The following SPRED2 variants were observed in gnomAD, a reference collection of about 807,000 sequenced individuals.
The protein encoded by SPRED2 is sprouty-related, EVH1 domain-containing protein 2.
Under a neutral mutation model 43.0 loss-of-function variants are expected in SPRED2, and 47 were observed. The observed-to-expected ratio is 1.09, with a 90% confidence interval of 0.87 to 1.40. SPRED2 has a LOEUF of 1.40. SPRED2 is among the 40% of genes most tolerant of loss of function. The pLI is 0.00. For missense variants in SPRED2, 561 were observed against 586.4 expected, an observed-to-expected ratio of 0.96 and a Z score of 0.45; for synonymous variants, 225 against 225.7, an observed-to-expected ratio of 1.00 and a Z score of 0.03.
chr2:65,345,352 CT>C (rs1356034474), intron 1 of SPRED2, among the ~76,000 whole-genome samples: 1 of 151,092 alleles, frequency 6.6e-6, no homozygotes, highest in African/African-American at 2.4e-5. Flanking sequence ...CAACCTCCGC[CT>C]CCCGGGTTCA....
chr2:65,379,151 T>C (rs969883389), intron 1 of SPRED2, among the ~76,000 whole-genome samples: 1 of 152,188 alleles, frequency 6.6e-6, no homozygotes, highest in Non-Finnish European at 1.5e-5. Flanking sequence ...GGACCTACTT[T>C]AAAGCCAGAT....
In SPRED2 at chr2:65,432,012, C is replaced by G. The variant is rs771076883; in HGVS notation, c.-25G>C. ...TTTTCTTGTTCACCTAGACGCCTGT[C>G]CCGCGGCGGGCAGCTTTGCTCCCTT... On this transcript the variant is annotated 5_prime_UTR_variant, in exon 1 of 6. Coordinates refer to ENST00000356388, the MANE Select transcript of SPRED2 (RefSeq NM_181784.3). 2 of 1,613,854 alleles carry G rather than the reference C, an allele frequency of 1.2e-6. No homozygotes were observed. The highest frequency in any genetic ancestry group is 3.3e-5 in the Admixed American group (2 of 60,030).
At position 65,314,074 on chromosome 2, in the gene SPRED2, G is replaced by A. The variant is rs1229786392; in HGVS notation, c.684C>T (p.Tyr228=). The change falls in exon 6 of 6, where the codon TAC becomes TAT. Residue 228 remains tyrosine, a synonymous_variant. Transcript: ENST00000356388. Reference sequence around the variant, plus strand: ...TGACGGGTGCGTGCCGGTAATCCTCGTACCCCGTCATCCAGATCTTCTCCC... The same window carrying A: ...TGACGGGTGCGTGCCGGTAATCCTCATACCCCGTCATCCAGATCTTCTCCC... ...NPREKIWMTG[Y]EDYRHAPVRG... The A allele has an allele frequency of 1.2e-6, 2 of 1,613,984 alleles. No individual in the cohort carries two copies. The highest frequency in any genetic ancestry group is 8.5e-7 in the Non-Finnish European group (1 of 1,179,894).
At chr2:65,396,599 TGTA>T (rs1242349903) in intron 1 of SPRED2, among the ~76,000 whole-genome samples, 14 of 152,230 alleles carry the variant, frequency 9.2e-5, no homozygotes, top group African/African-American at 3.4e-4. Flanking sequence ...GAACCAGCAC[TGTA>T]GTATAACTGA....
intron 1 of SPRED2, 45 bp downstream of exon 1, chr2:65,431,917 C>G: frequency 1.2e-6 from 2 of 1,610,426 alleles, no homozygotes; most frequent in Non-Finnish European, 1.7e-6. Flanking sequence ...GGCCCCCACG[C>G]TGCCCCTGAG....
chr2:65,308,209 G>T, downstream of SPRED2: 1 of 730,994 alleles, frequency 1.4e-6, no homozygotes, highest in Non-Finnish European at 1.7e-6. Context: ...AGCGGGGTGG[G>T]AGGTTCAGGC....
intron 1 of SPRED2, among the ~76,000 whole-genome samples, chr2:65,368,304 G>A (rs1675036836): frequency 1.3e-5 from 2 of 152,172 alleles, no homozygotes; most frequent in South Asian, 4.1e-4. Flanking sequence ...GACTGATTAG[G>A]ATTGTGCATG....
intron 2 of SPRED2, among the ~76,000 whole-genome samples, chr2:65,344,005 G>C (rs35493937): frequency 0.28 from 42,718 of 151,706 alleles, 6,492 homozygotes; most frequent in African/African-American, 0.41. Flanking sequence ...AAACTAGCTG[G>C]GTGTAGTGGC....
intron 1 of SPRED2, among the ~76,000 whole-genome samples, chr2:65,353,700 C>T (rs1674571908): frequency 6.6e-6 from 1 of 152,124 alleles, no homozygotes; most frequent in South Asian, 2.1e-4. Context: ...CTATACTTTC[C>T]TTTAAACCTC....
chr2:65,354,911 T>C (rs549132779), intron 1 of SPRED2, among the ~76,000 whole-genome samples: 1 of 152,314 alleles, frequency 6.6e-6, no homozygotes, highest in South Asian at 2.1e-4. Flanking sequence ...CCTGGGCAAT[T>C]TTCTCTTGTC....
intron 1 of SPRED2, among the ~76,000 whole-genome samples, chr2:65,368,994 G>A (rs1160706276): frequency 6.6e-6 from 1 of 152,138 alleles, no homozygotes; most frequent in East Asian, 1.9e-4. Flanking sequence ...AGGATAGCCT[G>A]AACCTGGGAG....
intron 3 of SPRED2, among the ~76,000 whole-genome samples, chr2:65,333,642 T>C (rs1211583246): frequency 6.6e-6 from 1 of 152,236 alleles, no homozygotes; most frequent in African/African-American, 2.4e-5. Flanking sequence ...ACATTTTAAA[T>C]ATTTGCCACT....
chr2:65,393,456 C>A (rs1192020482), intron 1 of SPRED2, among the ~76,000 whole-genome samples: 1 of 151,880 alleles, frequency 6.6e-6, no homozygotes, highest in Non-Finnish European at 1.5e-5. Flanking sequence ...CTCAGCCTCC[C>A]GAGTAGCTGT....
chr2:65,420,209 CA>C (rs61448407), intron 1 of SPRED2, among the ~76,000 whole-genome samples: 4,689 of 79,562 alleles, frequency 0.059, 116 homozygotes, highest in African/African-American at 0.22. Flanking sequence ...GACTCTGTCT[CA>C]AAAAAAAAAA....
chr2:65,391,195 TACACACACAC>T (rs70943648), intron 1 of SPRED2, among the ~76,000 whole-genome samples: 2 of 145,640 alleles, frequency 1.4e-5, no homozygotes, highest in South Asian at 2.3e-4. Flanking sequence ...CCTTAATGTG[TACACACACAC>T]ACACACACAC....
chr2:65,346,373 C>T (rs1398229309), intron 1 of SPRED2, among the ~76,000 whole-genome samples: 1 of 151,940 alleles, frequency 6.6e-6, no homozygotes. Context: ...TAAAATTTCC[C>T]GCTTTAACCA....
In SPRED2 at chr2:65,311,322, C is replaced by T; in HGVS notation, c.*2179G>A. ...GCCCTTAACCGATGCCTTCACAAAC[C>T]AAAAAGTATACGTGGAGTAAGATCT... On this transcript the variant is annotated 3_prime_UTR_variant, in exon 6 of 6. Coordinates refer to ENST00000356388, the MANE Select transcript of SPRED2 (RefSeq NM_181784.3). 1.0e-6 allele frequency: 1 copy of T among 985,704 alleles called. No homozygotes were observed. Among genetic ancestry groups the T allele is most frequent in the Non-Finnish European group, 1.2e-6 (1 of 829,894 alleles). 61.1% of individuals were successfully genotyped at this position (985,704 alleles called of 1,614,324 possible). A position where few individuals can be genotyped will look rare whatever the true frequency, so the allele number is the denominator to read the frequency against.
intron 1 of SPRED2, among the ~76,000 whole-genome samples, chr2:65,394,516 T>C (rs1234075582): frequency 2.0e-5 from 3 of 152,320 alleles, no homozygotes; most frequent in African/African-American, 4.8e-5. Context: ...ACATACTTTA[T>C]GACAACAGGT....
At chr2:65,420,333 C>T (rs1174163318) in intron 1 of SPRED2, among the ~76,000 whole-genome samples, 1 of 151,972 alleles carries the variant, frequency 6.6e-6, no homozygotes, top group Non-Finnish European at 1.5e-5. Context: ...ATTGACAGCA[C>T]AGGCCTTCGT....
Sources: gnomAD v4.1 joint callset for allele counts (sites outside exome capture counted in the v4.1 genomes callset) on GRCh38, gnomAD v4.1.1 for gene constraint, MANE v1.5 for transcripts, NCBI Gene and HGNC (gene_info 2026-07-23, HGNC 2026-07-21) for gene names.